TRRAP: variants seen among roughly 807,000 people sequenced by gnomAD.
The protein encoded by TRRAP is transformation/transcription domain associated protein.
Under a neutral mutation model 438.8 loss-of-function variants are expected in TRRAP, and 41 were observed. That is an observed-to-expected ratio of 0.09 (90% CI 0.07 to 0.12). The LOEUF is 0.12. Ranked by LOEUF, TRRAP falls within the 10% of genes least tolerant of loss-of-function variation. TRRAP has a pLI of 1.00. For synonymous variants in TRRAP, 1,994 were observed against 1,962.9 expected (o/e 1.02, Z -0.42); for missense variants, 3,122 against 5,055.1 (o/e 0.62, Z 11.60).
intron 69 of TRRAP, 74 bp from the exon 70 acceptor site, chr7:99,008,303 C>A: frequency 6.7e-7 from 1 of 1,482,496 alleles, no homozygotes; most frequent in Non-Finnish European, 9.3e-7. Flanking sequence ...CTCCCAGTGG[C>A]ACTCTGACGG....
intron 48 of TRRAP, 143 bp from the exon 49 acceptor site, chr7:98,965,553 T>G: frequency 9.0e-7 from 1 of 1,112,648 alleles, no homozygotes; most frequent in East Asian, 2.5e-5. Flanking sequence ...ATATGAGTGC[T>G]TCAAATCCCA....
chr7:98,922,301 T>C (rs1300329488), intron 21 of TRRAP, among the ~76,000 whole-genome samples: 2 of 152,320 alleles, frequency 1.3e-5, no homozygotes, highest in East Asian at 3.9e-4. Flanking sequence ...GTGCCTCGCT[T>C]TCTCCCATTC....
Position 98,948,723 on chromosome 7 carries a change from A to C in TRRAP, c.4788+38A>C, listed in dbSNP as rs782668854. On this transcript the variant is annotated intron_variant, in intron 35 of 72. Coordinates refer to ENST00000456197, the MANE Select transcript of TRRAP (RefSeq NM_001375524.1). This position sits in a 1 kb window ranked among gnomAD's most constrained non-coding sequence, Gnocchi z 4.9. ...AGCAGCTGGAGTCAGGGGTCCCTTC[A>C]AATGCTTGTGAGCTGTCGTGCTCTG... 3.3e-5 allele frequency: 53 copies of C among 1,613,680 alleles called. No individual in the cohort carries two copies. The highest frequency in any genetic ancestry group is 2.8e-5 in the Non-Finnish European group (33 of 1,179,978).
chr7:98,881,786 CGTGTAT>C, intron 2 of TRRAP, 183 bp from the exon 3 acceptor site: 1 of 571,640 alleles, frequency 1.7e-6, no homozygotes, highest in Non-Finnish European at 3.1e-6. Context: ...AGTGCATGCA[CGTGTAT>C]GTCTGGGAGT....
At chr7:98,884,121 G>C (rs1795586837) in intron 3 of TRRAP, among the ~76,000 whole-genome samples, 1 of 152,208 alleles carries the variant, frequency 6.6e-6, no homozygotes, top group South Asian at 2.1e-4. Context: ...CTAGCTGGAT[G>C]CGTGAGGTCT....
At position 98,948,751 on chromosome 7, in the gene TRRAP, A is replaced by G. The variant is rs1203165787; in HGVS notation, c.4788+66A>G. On this transcript the variant is annotated intron_variant, in intron 35 of 72. Transcript: ENST00000456197. This position sits in a 1 kb window ranked among gnomAD's most constrained non-coding sequence, Gnocchi z 4.9. The stretch of plus-strand genomic sequence containing the variant: ...TGCTTGTGAGCTGTCGTGCTCTGAA[A>G]TGTTCAGTTCATATTTCACTATTCA... 27 of 1,610,092 alleles carry G rather than the reference A, an allele frequency of 1.7e-5. No homozygotes were observed. The highest frequency in any genetic ancestry group is 2.1e-5 in the Non-Finnish European group (25 of 1,178,572).
At chr7:98,891,113 G>T (rs1348815513) in intron 4 of TRRAP, among the ~76,000 whole-genome samples, 5 of 148,810 alleles carry the variant, frequency 3.4e-5, no homozygotes, top group African/African-American at 1.2e-4. Context: ...AGTTCTTATA[G>T]CTATGGTCAA....
intron 20 of TRRAP, among the ~76,000 whole-genome samples, chr7:98,919,081 G>C (rs1789668772): frequency 6.6e-6 from 1 of 152,114 alleles, no homozygotes; most frequent in South Asian, 2.1e-4. Context: ...GTTGGTAATT[G>C]TTGGAGGGTT....
intron 67 of TRRAP, among the ~76,000 whole-genome samples, chr7:99,000,175 A>C (rs1371079837): frequency 2.0e-5 from 3 of 151,980 alleles, no homozygotes; most frequent in Non-Finnish European, 2.9e-5. Flanking sequence ...ACACCTGGCT[A>C]ATTTTTGATT....
At chr7:98,973,416 G>A (rs1009354361) in intron 53 of TRRAP, among the ~76,000 whole-genome samples, 82 of 152,312 alleles carry the variant, frequency 5.4e-4, no homozygotes, top group African/African-American at 1.9e-3. Context: ...AGCTCCTGGT[G>A]CGAGTGCCAT....
chr7:98,879,274 G>A (rs1370600444), intron 1 of TRRAP, among the ~76,000 whole-genome samples: 2 of 152,218 alleles, frequency 1.3e-5, no homozygotes, highest in Admixed American at 1.3e-4. Flanking sequence ...GTTTCCCCCC[G>A]GCCAGGGCCC....
intron 45 of TRRAP, 142 bp from the exon 46 acceptor site, chr7:98,961,118 AC>A: frequency 1.4e-6 from 1 of 699,734 alleles, no homozygotes; most frequent in South Asian, 1.9e-5. Flanking sequence ...CTTGTGAAAT[AC>A]GATTGTCATT....
intron 7 of TRRAP, among the ~76,000 whole-genome samples, chr7:98,897,286 A>G (rs1205792169): frequency 6.6e-6 from 1 of 152,160 alleles, no homozygotes; most frequent in Non-Finnish European, 1.5e-5. Flanking sequence ...TTTGATGTCT[A>G]TTTAGAGAGT....
At chr7:98,897,966 A>T in intron 8 of TRRAP, 100 bp downstream of exon 8, 1 of 1,560,496 alleles carries the variant, frequency 6.4e-7, no homozygotes, top group Non-Finnish European at 8.7e-7. Flanking sequence ...GGAGGCATTT[A>T]AGACAAACGT....
chr7:98,904,878 A>G lies in TRRAP; in HGVS notation c.1037-1299A>G, dbSNP rs188461160. ...ATGTTAACTGTGTGTTACAGTTAAA[A>G]CGTCCACTTCCACCAACATTTTCTC... On this transcript the variant is annotated intron_variant, in intron 12 of 72. Transcript: ENST00000456197. Among the ~76,000 whole-genome samples, 100 of 152,340 alleles carry G rather than the reference A, an allele frequency of 6.6e-4. No individual in the cohort carries two copies. The East Asian group carries it at 0.017, about 26-fold the overall frequency.
chr7:98,915,542 T>C (rs950457305), intron 18 of TRRAP, among the ~76,000 whole-genome samples, 181 bp from the exon 19 acceptor site: 4 of 152,342 alleles, frequency 2.6e-5, no homozygotes, highest in Middle Eastern at 6.8e-3. Context: ...ACATATACTT[T>C]AAGATAAACT....
intron 59 of TRRAP, among the ~76,000 whole-genome samples, chr7:98,982,807 G>A (rs1187941443): frequency 1.3e-5 from 2 of 152,182 alleles, no homozygotes; most frequent in African/African-American, 2.4e-5. Flanking sequence ...TGAGAACCAC[G>A]TTTGCAGGTG....
chr7:98,973,252 T>C (rs1792498297), intron 53 of TRRAP, among the ~76,000 whole-genome samples: 1 of 152,150 alleles, frequency 6.6e-6, no homozygotes, highest in Admixed American at 6.5e-5. Context: ...AGTGCTGGGA[T>C]TACAGGCATC....
chr7:98,920,320 G>A (rs1367545847), intron 20 of TRRAP, among the ~76,000 whole-genome samples: 1 of 152,114 alleles, frequency 6.6e-6, no homozygotes, highest in Non-Finnish European at 1.5e-5. Flanking sequence ...AAAAAAATTA[G>A]CTGGGCATGG....
Sources: allele counts gnomAD v4.1 joint callset (sites outside exome capture counted in the v4.1 genomes callset), GRCh38; gene constraint gnomAD v4.1.1; non-coding constraint Gnocchi (gnomAD v3.1); transcripts MANE v1.5; gene names NCBI Gene and HGNC (gene_info 2026-07-23, HGNC 2026-07-21).